HECW1: variants seen among roughly 807,000 people sequenced by gnomAD.
HECW1 encodes the protein E3 ubiquitin-protein ligase HECW1.
A neutral mutation model predicts 182.3 loss-of-function variants in HECW1; 61 were observed. That is an observed-to-expected ratio of 0.33 (90% CI 0.27 to 0.41). The LOEUF (loss-of-function observed/expected upper bound fraction) is 0.41, where lower values mean the gene tolerates loss of function less well. Ranked by LOEUF, HECW1 falls within the 10% of genes least tolerant of loss-of-function variation. The pLI, the probability that HECW1 is intolerant of heterozygous loss-of-function variation, is 1.00. For missense variants in HECW1, 1,739 were observed against 2,108.9 expected, an observed-to-expected ratio of 0.82 and a Z score of 3.44; for synonymous variants, 859 against 832.6, an observed-to-expected ratio of 1.03 and a Z score of -0.55.
At chr7:43,476,733 T>C (rs2078231832) in intron 16 of HECW1, among the ~76,000 whole-genome samples, 1 of 152,136 alleles carries the variant, frequency 6.6e-6, no homozygotes, top group Non-Finnish European at 1.5e-5. Flanking sequence ...AAGTGAGCTC[T>C]CTGAGAAAAC....
chr7:43,193,344 A>G (rs1794118559), intron 2 of HECW1, among the ~76,000 whole-genome samples: 1 of 152,036 alleles, frequency 6.6e-6, no homozygotes, highest in Non-Finnish European at 1.5e-5. Flanking sequence ...CCCTTTTCCC[A>G]AAATATTATA....
At chr7:43,508,434 CTT>C (rs1184684562) in intron 23 of HECW1, among the ~76,000 whole-genome samples, 1 of 152,184 alleles carries the variant, frequency 6.6e-6, no homozygotes, top group Non-Finnish European at 1.5e-5. Flanking sequence ...TTAAAAAACT[CTT>C]TCTCTTAAAG....
chr7:43,398,352 T>A (rs1336290423), intron 7 of HECW1, among the ~76,000 whole-genome samples: 1 of 152,154 alleles, frequency 6.6e-6, no homozygotes, highest in Non-Finnish European at 1.5e-5. Context: ...CTTCACACAC[T>A]CAATCCCACC....
chr7:43,164,918 A>G (rs559930397), intron 2 of HECW1, among the ~76,000 whole-genome samples: 1 of 152,346 alleles, frequency 6.6e-6, no homozygotes, highest in East Asian at 1.9e-4. Flanking sequence ...GAGTGTCTTA[A>G]GAGTGAAGAG....
intron 29 of HECW1, among the ~76,000 whole-genome samples, chr7:43,559,982 G>C (rs2082156152): frequency 1.3e-5 from 2 of 152,140 alleles, no homozygotes; most frequent in South Asian, 4.1e-4. Flanking sequence ...GAATTAATTT[G>C]GTTCCAACTA....
At chr7:43,158,437 T>C (rs1790132439) in intron 2 of HECW1, among the ~76,000 whole-genome samples, 1 of 152,208 alleles carries the variant, frequency 6.6e-6, no homozygotes, top group African/African-American at 2.4e-5. Flanking sequence ...TATCTCAAGA[T>C]CTGGACATAA....
chr7:43,227,990 G>T (rs1418363386), intron 2 of HECW1, among the ~76,000 whole-genome samples: 1 of 152,222 alleles, frequency 6.6e-6, no homozygotes, highest in Admixed American at 6.5e-5. Context: ...GCTATCACAT[G>T]CTAGATGGGT....
In HECW1 at chr7:43,481,855, G is replaced by A. The variant is rs750022963; in HGVS notation, c.3234+2111G>A. Among the ~76,000 whole-genome samples the A allele has an allele frequency of 6.6e-5, 10 of 151,612 alleles. No homozygotes were observed. In the South Asian group the frequency reaches 1.9e-3, roughly 29 times the overall value. On this transcript the variant is annotated intron_variant, in intron 17 of 29. Transcript: ENST00000395891. ...CAAAAAATTAGTCAGGCATGGTGGC[G>A]GGTGCCTGTAGTCCCAGCTACTCGG...
intron 2 of HECW1, among the ~76,000 whole-genome samples, chr7:43,165,397 C>CA (rs1554297141): frequency 1.5e-4 from 20 of 137,102 alleles, no homozygotes; most frequent in Non-Finnish European, 2.5e-4. Context: ...GGGCTTTTGG[C>CA]GGGGGGGGGT....
chr7:43,275,348 T>C (rs1293753998), intron 3 of HECW1, among the ~76,000 whole-genome samples: 1 of 152,148 alleles, frequency 6.6e-6, no homozygotes, highest in Admixed American at 6.6e-5. Context: ...ATAGTATTTG[T>C]TGGCTGAAAA....
chr7:43,435,768 G>A (rs1170031464), intron 8 of HECW1, among the ~76,000 whole-genome samples: 1 of 152,206 alleles, frequency 6.6e-6, no homozygotes, highest in African/African-American at 2.4e-5. Flanking sequence ...GAAGTTGGCT[G>A]TTAGTGCAGC....
chr7:43,488,434 G>GAGAAAAAGAA (rs2078770764), intron 17 of HECW1, among the ~76,000 whole-genome samples: 1 of 93,082 alleles, frequency 1.1e-5, no homozygotes, highest in African/African-American at 4.4e-5. Context: ...AAGAAAGAAA[G>GAGAAAAAGAA]AGAAAGAAAG....
At position 43,221,537 on chromosome 7, in the gene HECW1, G is replaced by GTTTTTTTTTTT. The variant is rs71008897; in HGVS notation, c.-31-22306_-31-22296dup. On this transcript the variant is annotated intron_variant, in intron 2 of 29. Transcript: ENST00000395891. ...CTAAACTAAATGTCAGAGGAATTAG[G>GTTTTTTTTTTT]TTTTTTTTTTTTTTTTTTTTTTTTT... 6.9e-4 allele frequency among the ~76,000 whole-genome samples: 35 copies of GTTTTTTTTTTT among 50,532 alleles called. 11 individuals carry two copies. Among genetic ancestry groups the GTTTTTTTTTTT allele is most frequent in the East Asian group, 1.6e-3 (2 of 1,238 alleles). The allele number at this position is 50,532 out of a possible 152,430, so 33.2% of individuals were successfully genotyped here.
chr7:43,477,931 G>C (rs916201588), intron 16 of HECW1, among the ~76,000 whole-genome samples: 15 of 151,978 alleles, frequency 9.9e-5, no homozygotes, highest in African/African-American at 3.6e-4. Context: ...ATTTAAAGCT[G>C]ATATGACTTC....
At chr7:43,315,260 G>A (rs886111566) in intron 4 of HECW1, among the ~76,000 whole-genome samples, 1 of 152,096 alleles carries the variant, frequency 6.6e-6, no homozygotes, top group Admixed American at 6.6e-5. Context: ...AGCTGTATAA[G>A]GCACAAACAG....
At chr7:43,186,291 TA>T (rs1793387817) in intron 2 of HECW1, among the ~76,000 whole-genome samples, 1 of 152,174 alleles carries the variant, frequency 6.6e-6, no homozygotes, top group Non-Finnish European at 1.5e-5. Context: ...GTTAGTAGCT[TA>T]AAGTAACTAG....
intron 24 of HECW1, among the ~76,000 whole-genome samples, chr7:43,520,033 T>C (rs900596707): frequency 6.6e-6 from 1 of 152,140 alleles, no homozygotes; most frequent in African/African-American, 2.4e-5. Context: ...AAAAAATAAA[T>C]AAATCTCTTA....
intron 6 of HECW1, among the ~76,000 whole-genome samples, chr7:43,384,605 A>G (rs115453281): frequency 0.012 from 1,863 of 152,346 alleles, 43 homozygotes; most frequent in African/African-American, 0.042. Flanking sequence ...AAAGCAAGTC[A>G]GTGAGGGGGA....
At chr7:43,354,218 T>C (rs1235709443) in intron 5 of HECW1, among the ~76,000 whole-genome samples, 1 of 144,966 alleles carries the variant, frequency 6.9e-6, no homozygotes, top group African/African-American at 2.5e-5. Context: ...CAGAGAAGAC[T>C]GAAATAAATA....
Sources: gnomAD v4.1 joint callset for allele counts (sites outside exome capture counted in the v4.1 genomes callset) on GRCh38, gnomAD v4.1.1 for gene constraint, MANE v1.5 for transcripts, NCBI Gene and HGNC (gene_info 2026-07-23, HGNC 2026-07-21) for gene names.